Variants in ST6GALNAC3 observed in about 807,000 individuals in gnomAD.
The protein encoded by ST6GALNAC3 is ST6 N-acetylgalactosaminide alpha-2,6-sialyltransferase 3.
Under a neutral mutation model 32.7 loss-of-function variants are expected in ST6GALNAC3, and 25 were observed. That is an observed-to-expected ratio of 0.76 (90% CI 0.56 to 1.07). ST6GALNAC3 has a LOEUF of 1.07. Among genes scored for constraint, ST6GALNAC3 ranks in the 50% least tolerant of loss-of-function variants. The probability of loss-of-function intolerance (pLI) is 0.00; values close to 1 mark genes in which losing one functional copy is unlikely to be tolerated. For missense variants in ST6GALNAC3, 355 were observed against 382.4 expected (o/e 0.93, Z 0.60); for synonymous variants, 129 against 133.1 (o/e 0.97, Z 0.21).
At chr1:76,397,947 A>AT (rs140779175) in intron 2 of ST6GALNAC3, among the ~76,000 whole-genome samples, 2 of 151,526 alleles carry the variant, frequency 1.3e-5, no homozygotes, top group African/African-American at 2.4e-5. Flanking sequence ...GTAAATAATG[A>AT]TTTTTTTTCT....
intron 2 of ST6GALNAC3, among the ~76,000 whole-genome samples, chr1:76,384,567 T>C (rs4495763): frequency 0.99 from 149,976 of 152,236 alleles, 73,923 homozygotes; most frequent in Middle Eastern, 1. Context: ...ACTCTACATC[T>C]AAAAGCTACA....
At chr1:76,364,022 G>A (rs1261977699) in intron 2 of ST6GALNAC3, among the ~76,000 whole-genome samples, 2 of 152,096 alleles carry the variant, frequency 1.3e-5, no homozygotes, top group Non-Finnish European at 2.9e-5. Context: ...CAGACCCAAA[G>A]CACCTTAGCT....
rs527668231 is a variant in ST6GALNAC3, at chr1:76,245,052, C to G, written c.19-68753C>G. Reference sequence around the variant, plus strand: ...CCTCTGATAGAATTCCTCTGTGGATCCATCTGGTCCTGGGCTTTTTTGGTT... The same window carrying G: ...CCTCTGATAGAATTCCTCTGTGGATGCATCTGGTCCTGGGCTTTTTTGGTT... On this transcript the variant is annotated intron_variant, in intron 1 of 4. Coordinates refer to ENST00000328299, the MANE Select transcript of ST6GALNAC3 (RefSeq NM_152996.4). 5.3e-5 allele frequency among the ~76,000 whole-genome samples: 8 copies of G among 152,258 alleles called. No individual in the cohort carries two copies. In the South Asian group the frequency reaches 1.2e-3, roughly 24 times the overall value.
chr1:76,151,317 T>A (rs923488114), intron 1 of ST6GALNAC3, among the ~76,000 whole-genome samples: 1 of 152,168 alleles, frequency 6.6e-6, no homozygotes. Flanking sequence ...CTTTCAAAAG[T>A]CTGCATTACA....
At chr1:76,585,220 A>G (rs1454908982) in intron 3 of ST6GALNAC3, among the ~76,000 whole-genome samples, 2 of 152,016 alleles carry the variant, frequency 1.3e-5, no homozygotes, top group African/African-American at 2.4e-5. Flanking sequence ...CCCCATCTCT[A>G]CTAAGAAAAC....
intron 3 of ST6GALNAC3, among the ~76,000 whole-genome samples, chr1:76,522,068 G>C (rs1235164568): frequency 1.4e-4 from 19 of 135,522 alleles, no homozygotes; most frequent in African/African-American, 4.4e-4. Context: ...CTGGGTGACA[G>C]AGTGAGACTC....
chr1:76,428,834 C>A (rs1429414180), intron 3 of ST6GALNAC3, among the ~76,000 whole-genome samples: 2 of 152,108 alleles, frequency 1.3e-5, no homozygotes, highest in African/African-American at 2.4e-5. Context: ...AACAACATTT[C>A]TGCACTTCTC....
chr1:76,567,732 C>T (rs1330453772), intron 3 of ST6GALNAC3, among the ~76,000 whole-genome samples: 1 of 152,128 alleles, frequency 6.6e-6, no homozygotes, highest in Non-Finnish European at 1.5e-5. Flanking sequence ...TTCCCAAGAA[C>T]CTACAGTGCA....
At chr1:76,239,291 G>A (rs1201074843) in intron 1 of ST6GALNAC3, among the ~76,000 whole-genome samples, 3 of 152,166 alleles carry the variant, frequency 2.0e-5, no homozygotes, top group African/African-American at 7.2e-5. Flanking sequence ...TGACCAGTCA[G>A]TGACAATACT....
intron 3 of ST6GALNAC3, among the ~76,000 whole-genome samples, chr1:76,612,869 A>C (rs1261686940): frequency 6.6e-6 from 1 of 152,216 alleles, no homozygotes; most frequent in African/African-American, 2.4e-5. Flanking sequence ...TCTGATAAAT[A>C]AAACGACACT....
At chr1:76,416,919 C>T (rs574556933) in intron 3 of ST6GALNAC3, among the ~76,000 whole-genome samples, 2 of 152,074 alleles carry the variant, frequency 1.3e-5, no homozygotes, top group South Asian at 4.1e-4. Flanking sequence ...AGCCACCACG[C>T]CCGGCCAGCA....
intron 1 of ST6GALNAC3, among the ~76,000 whole-genome samples, chr1:76,117,551 C>T (rs1332690641): frequency 6.6e-6 from 1 of 152,204 alleles, no homozygotes; most frequent in African/African-American, 2.4e-5. Flanking sequence ...TGACCAACTG[C>T]ATTTTCATAA....
Position 76,509,155 on chromosome 1 carries a change from T to G in ST6GALNAC3, c.623+96738T>G, listed in dbSNP as rs934929495. Among the ~76,000 whole-genome samples the G allele has an allele frequency of 6.6e-6, 1 of 152,204 alleles. No individual in the cohort carries two copies. The highest frequency in any genetic ancestry group is 2.4e-5 in the African/African-American group (1 of 41,454). On this transcript the variant is annotated intron_variant, in intron 3 of 4. Transcript: ENST00000328299. The surrounding 1 kb of genome is among the most constrained non-coding windows in gnomAD (Gnocchi z 5.5). ...ATGTAGTGTAAAATGATTTTAATGC[T>G]TGTGGTCTAAGAAAGTATCTCTATC...
intron 3 of ST6GALNAC3, among the ~76,000 whole-genome samples, chr1:76,564,961 T>C (rs1317691414): frequency 1.3e-5 from 2 of 152,196 alleles, no homozygotes; most frequent in African/African-American, 4.8e-5. Flanking sequence ...GTTCTGTTTC[T>C]TATTTTTGAT....
intron 3 of ST6GALNAC3, among the ~76,000 whole-genome samples, chr1:76,535,486 G>A (rs315077): frequency 0.89 from 135,703 of 152,182 alleles, 60,724 homozygotes; most frequent in African/African-American, 0.97. Context: ...GTTTTTATAA[G>A]GTGAAGTAAA....
At chr1:76,344,364 C>T (rs574439813) in intron 2 of ST6GALNAC3, among the ~76,000 whole-genome samples, 68 of 152,302 alleles carry the variant, frequency 4.5e-4, no homozygotes, top group African/African-American at 1.6e-3. Flanking sequence ...TCTTCTAAAG[C>T]GACATTTCCT....
intron 1 of ST6GALNAC3, among the ~76,000 whole-genome samples, chr1:76,191,419 A>G (rs905376361): frequency 6.6e-6 from 1 of 152,188 alleles, no homozygotes; most frequent in Non-Finnish European, 1.5e-5. Flanking sequence ...ACAGGTACAA[A>G]GTTACAATTA....
chr1:76,604,926 C>T (rs1243552304), intron 3 of ST6GALNAC3, among the ~76,000 whole-genome samples: 1 of 152,192 alleles, frequency 6.6e-6, no homozygotes, highest in Non-Finnish European at 1.5e-5. Context: ...TCCTTTGTCA[C>T]ATCTTAGTTT....
At chr1:76,345,918 C>T (rs1446058151) in intron 2 of ST6GALNAC3, among the ~76,000 whole-genome samples, 1 of 152,048 alleles carries the variant, frequency 6.6e-6, no homozygotes, top group Non-Finnish European at 1.5e-5. Context: ...AGAGTCTTCT[C>T]TTAGATGTCC....
Sources: allele counts gnomAD v4.1 joint callset (sites outside exome capture counted in the v4.1 genomes callset), GRCh38; gene constraint gnomAD v4.1.1; non-coding constraint Gnocchi (gnomAD v3.1); transcripts MANE v1.5; gene names NCBI Gene and HGNC (gene_info 2026-07-23, HGNC 2026-07-21).